Variants in ELP1 observed in about 807,000 individuals in gnomAD.
ELP1 encodes elongator complex protein 1.
A neutral mutation model predicts 183.2 loss-of-function variants in ELP1; 131 were observed. The ratio of observed to expected loss-of-function variants is 0.72; its 90% CI spans 0.62 to 0.83. The LOEUF (loss-of-function observed/expected upper bound fraction) is 0.83. Among genes scored for constraint, ELP1 ranks in the 40% least tolerant of loss-of-function variants. ELP1 has a pLI of 0.00. For missense variants in ELP1, 1,550 were observed against 1,594.9 expected (o/e 0.97, Z 0.48); for synonymous variants, 555 against 569.0 (o/e 0.98, Z 0.35).
At chr9:108,912,110 T>C (rs903798246) in intron 11 of ELP1, among the ~76,000 whole-genome samples, 154 bp downstream of exon 11, 13 of 152,082 alleles carry the variant, frequency 8.5e-5, no homozygotes, top group African/African-American at 2.9e-4. Flanking sequence ...GGAGAGAACA[T>C]ACCCCACCTT....
At position 108,926,525 on chromosome 9, in the gene ELP1, T is replaced by G. The variant is rs1829828937; in HGVS notation, c.464A>C (p.Glu155Ala). ...EQQIHQDDFG[E>A]SKFITVGWGR... ...ATATTGCACAAAGCTATACTTACTT[T>G]CACCAAAATCATCCTGATGGATCTG... Residue 155 changes from glutamate to alanine, a missense_variant and splice_region_variant, in exon 5 of 37, where the codon GAA becomes GCA. Transcript: ENST00000374647. 2 of 1,611,798 alleles carry G rather than the reference T, an allele frequency of 1.2e-6. No individual in the cohort carries two copies. Among genetic ancestry groups the G allele is most frequent in the East Asian group, 4.5e-5 (2 of 44,864 alleles).
chr9:108,895,063 A>G (rs1397031676), intron 25 of ELP1, among the ~76,000 whole-genome samples: 1 of 152,116 alleles, frequency 6.6e-6, no homozygotes, highest in African/African-American at 2.4e-5. Flanking sequence ...CCTGGGCAAC[A>G]TGGCGAAACC....
In ELP1 at chr9:108,911,120, T is replaced by C. The variant is rs1272529826; in HGVS notation, c.1250A>G (p.Gln417Arg). 11 of 1,614,014 alleles carry C rather than the reference T, an allele frequency of 6.8e-6. No homozygotes were observed. The highest frequency in any genetic ancestry group is 1.7e-5 in the Admixed American group (1 of 60,000). Residue 417 changes from glutamine (Q) to arginine (R), a missense_variant, in exon 12 of 37, where the codon CAA becomes CGA. Gln to Arg is a conservative substitution (Grantham distance 43, BLOSUM62 1). Coordinates refer to ENST00000374647, the MANE Select transcript of ELP1 (RefSeq NM_003640.5). ...TVVPPPMCTY[Q>R]LLFPHPVNQV... ...ATTCACAGGGTGTGGGAACAGCAGT[T>C]GGTAGGTGCACATGGGAGGCGGAAC... is the stretch of plus-strand genomic sequence containing the variant.
chr9:108,893,088 A>C lies in ELP1; in HGVS notation c.2861-5T>G. On this transcript the variant is annotated splice_polypyrimidine_tract_variant and splice_region_variant and intron_variant, in intron 26 of 36. Transcript: ENST00000374647. ...ATTCTGGGAAGTACTCAGGTCCTGC[A>C]GGAAAAAGATTCACACAAAGACAGG... 1 of 1,601,798 alleles carries C rather than the reference A, an allele frequency of 6.2e-7. No homozygotes were observed. The highest frequency in any genetic ancestry group is 1.1e-5 in the South Asian group (1 of 90,824).
At chr9:108,896,806 GA>G (rs1184373944) in intron 24 of ELP1, 146 bp downstream of exon 24, 1 of 1,038,896 alleles carries the variant, frequency 9.6e-7, no homozygotes, top group Non-Finnish European at 1.5e-6. Context: ...GGGCAGCACT[GA>G]AAAAAACTGA....
intron 7 of ELP1, 37 bp from the exon 8 acceptor site, chr9:108,918,938 A>G: frequency 6.9e-7 from 1 of 1,448,626 alleles, no homozygotes; most frequent in Non-Finnish European, 9.7e-7. Context: ...ATACACACTT[A>G]AAACATTATG....
intron 6 of ELP1, among the ~76,000 whole-genome samples, chr9:108,919,792 G>C (rs921529133): frequency 6.6e-6 from 1 of 152,184 alleles, no homozygotes; most frequent in Non-Finnish European, 1.5e-5. Flanking sequence ...GAGCCACAGA[G>C]GTGGTAAAGG....
chr9:108,910,643 A>T (rs1829178221), intron 12 of ELP1, among the ~76,000 whole-genome samples: 1 of 152,190 alleles, frequency 6.6e-6, no homozygotes, highest in South Asian at 2.1e-4. Flanking sequence ...GGAAAACCCC[A>T]TCTCTGACAC....
In ELP1 at chr9:108,897,418, T is replaced by C. The variant is rs1279263183; in HGVS notation, c.2364-133A>G. ...GGAAAAGAGTTGAATTATAAAAATA[T>C]TGAGAAATAAAACATGTCCACAAAA... On this transcript the variant is annotated intron_variant, in intron 22 of 36. Transcript: ENST00000374647. 1.4e-5 allele frequency: 13 copies of C among 946,634 alleles called. No individual in the cohort carries two copies. The East Asian group carries it at 2.0e-4, about 14-fold the overall frequency. 58.6% of individuals were successfully genotyped at this position (946,634 alleles called of 1,614,324 possible).
At chr9:108,906,512 A>C (rs1355635570) in intron 13 of ELP1, 27 bp from the exon 14 acceptor site, 14 of 1,597,572 alleles carry the variant, frequency 8.8e-6, no homozygotes, top group Non-Finnish European at 1.1e-5. Context: ...AGAATATCCA[A>C]GACATGAATA....
chr9:108,897,312 C>T (rs1461073386), intron 22 of ELP1, 27 bp from the exon 23 acceptor site: 2 of 1,613,384 alleles, frequency 1.2e-6, no homozygotes, highest in African/African-American at 1.3e-5. Context: ...ATGGAATGGT[C>T]ATCAACAGAA....
chr9:108,902,953 C>A lies in ELP1; in HGVS notation c.1751-11G>T. 1 of 1,604,840 alleles carries A rather than the reference C, an allele frequency of 6.2e-7. No individual in the cohort carries two copies. The highest frequency in any genetic ancestry group is 1.1e-5 in the South Asian group (1 of 90,818). On this transcript the variant is annotated splice_polypyrimidine_tract_variant and intron_variant, in intron 15 of 36. Coordinates refer to ENST00000374647, the MANE Select transcript of ELP1 (RefSeq NM_003640.5). The stretch of plus-strand genomic sequence containing the variant: ...CCAGAGAAGGTGACTCTGCAAGATT[C>A]ACAGATCTAGTTCACAAATAGCTGA...
At chr9:108,903,463 C>CT in intron 15 of ELP1, 100 bp downstream of exon 15, 1 of 868,410 alleles carries the variant, frequency 1.2e-6, no homozygotes, top group Non-Finnish European at 1.9e-6. Context: ...GTTAAAAGAC[C>CT]TGACAATCAA....
At chr9:108,897,061 C>T (rs1281831709) in intron 23 of ELP1, 23 bp from the exon 24 acceptor site, 4 of 1,613,270 alleles carry the variant, frequency 2.5e-6, no homozygotes, top group South Asian at 1.1e-5. Context: ...GTGAAGAACA[C>T]CAGAATGAGA....
At chr9:108,912,537 C>T in intron 10 of ELP1, 43 bp from the exon 11 acceptor site, 6 of 1,423,222 alleles carry the variant, frequency 4.2e-6, no homozygotes, top group African/African-American at 2.8e-5. Flanking sequence ...GGCTGGGAAG[C>T]AGACTTCATC....
chr9:108,879,114 T>A (rs1209766102), intron 33 of ELP1, among the ~76,000 whole-genome samples: 2 of 152,210 alleles, frequency 1.3e-5, no homozygotes, highest in Non-Finnish European at 2.9e-5. Flanking sequence ...TGAAGAAGCT[T>A]ATCTTTTCAT....
At chr9:108,901,832 AGT>A in intron 16 of ELP1, 151 bp from the exon 17 acceptor site, 1 of 765,018 alleles carries the variant, frequency 1.3e-6, no homozygotes, top group South Asian at 1.5e-5. Flanking sequence ...TGGCTGGTCC[AGT>A]GCAAAATGGA....
intron 31 of ELP1, among the ~76,000 whole-genome samples, chr9:108,881,145 G>A (rs923445892): frequency 2.0e-5 from 3 of 152,118 alleles, no homozygotes; most frequent in Non-Finnish European, 4.4e-5. Flanking sequence ...ACTTTGAAAC[G>A]TTGAAACCTA....
chr9:108,895,762 G>A (rs960892298), intron 25 of ELP1, among the ~76,000 whole-genome samples: 1 of 152,114 alleles, frequency 6.6e-6, no homozygotes, highest in Non-Finnish European at 1.5e-5. Context: ...ATGCATACCA[G>A]TGGTGTTCAA....
Sources: gnomAD v4.1 joint callset for allele counts (sites outside exome capture counted in the v4.1 genomes callset) on GRCh38, gnomAD v4.1.1 for gene constraint, MANE v1.5 for transcripts, NCBI Gene and HGNC (gene_info 2026-07-23, HGNC 2026-07-21) for gene names.